Variants in ITPR2 observed in about 807,000 individuals in gnomAD.
ITPR2 encodes the protein inositol 1,4,5-trisphosphate-gated calcium channel ITPR2.
Under a neutral mutation model 317.1 loss-of-function variants are expected in ITPR2, and 207 were observed. That is an observed-to-expected ratio of 0.65 (90% CI 0.58 to 0.73). ITPR2 has a LOEUF of 0.73. ITPR2 is among the 30% of genes least tolerant of loss of function. The pLI, the probability that ITPR2 is intolerant of heterozygous loss-of-function variation, is 0.00. For missense variants in ITPR2, 2,613 were observed against 3,284.0 expected (o/e 0.80, Z 4.99); for synonymous variants, 1,156 against 1,149.1 (o/e 1.01, Z -0.12).
At chr12:26,681,558 A>G (rs1419220360) in intron 13 of ITPR2, among the ~76,000 whole-genome samples, 1 of 152,214 alleles carries the variant, frequency 6.6e-6, no homozygotes. Context: ...CTCTAAATCC[A>G]AATATCAAAT....
chr12:26,736,179 C>G (rs753332736), intron 2 of ITPR2, among the ~76,000 whole-genome samples: 3 of 152,134 alleles, frequency 2.0e-5, no homozygotes, highest in African/African-American at 4.8e-5. Context: ...AAAATACAAA[C>G]ACCTGAGAAG....
intron 13 of ITPR2, among the ~76,000 whole-genome samples, chr12:26,681,191 T>C (rs566317020): frequency 6.6e-6 from 1 of 152,318 alleles, no homozygotes; most frequent in East Asian, 1.9e-4. Context: ...CAGCTTTACC[T>C]TGTTTGCTTA....
At chr12:26,761,347 A>G (rs1949629571) in intron 2 of ITPR2, among the ~76,000 whole-genome samples, 1 of 152,242 alleles carries the variant, frequency 6.6e-6, no homozygotes, top group Non-Finnish European at 1.5e-5. Context: ...AATTCTTAAA[A>G]TGTGCAGACA....
In ITPR2 at chr12:26,833,092, A is replaced by C; in HGVS notation, c.-311T>G. 3.0e-6 allele frequency: 1 copy of C among 336,502 alleles called. No individual in the cohort carries two copies. Among genetic ancestry groups the C allele is most frequent in the Non-Finnish European group, 5.4e-6 (1 of 185,956 alleles). 20.8% of individuals were successfully genotyped at this position (336,502 alleles called of 1,614,324 possible). ...TCCTTTCTGAAGTTTTCTCTCCAACACCTTTGCTCCTCCTCCTCCTCCTTC... is the reference window on the plus strand; with the variant it reads ...TCCTTTCTGAAGTTTTCTCTCCAACCCCTTTGCTCCTCCTCCTCCTCCTTC... On this transcript the variant is annotated 5_prime_UTR_variant, in exon 1 of 57. Transcript: ENST00000381340.
rs796483067 is a variant in ITPR2, at chr12:26,337,760, T to C, written c.*1637A>G. 1.4e-4 allele frequency: 21 copies of C among 152,324 alleles called. No homozygotes were observed. Among genetic ancestry groups the C allele is most frequent in the African/African-American group, 4.8e-4 (20 of 41,578 alleles). The allele number at this position is 152,324 out of a possible 1,614,324, so 9.4% of individuals were successfully genotyped here. A position where few individuals can be genotyped will look rare whatever the true frequency, so the allele number is the denominator to read the frequency against. On this transcript the variant is annotated 3_prime_UTR_variant, in exon 57 of 57. Coordinates refer to ENST00000381340, the MANE Select transcript of ITPR2 (RefSeq NM_002223.4). ...ACTGTCATGTCAGAGTGAGGAATTC[T>C]TAGTATGAGGTGGTGCTGGGGAGTA...
chr12:26,439,301 T>A lies in ITPR2; in HGVS notation c.6469A>T (p.Thr2157Ser). ...AQIEIVRHDR[T>S]MEQIVFPVPN... ...ACAGGAAAAACTATTTGTTCCATGG[T>A]CCTATCATGCCGGACAATCTGAAAA... Residue 2157 changes from threonine to serine, a missense_variant, in exon 47 of 57, where the codon ACC (threonine) becomes TCC (serine). By Grantham distance (58) the Thr-to-Ser change is moderately conservative (BLOSUM62 1). This residue lies in a region of ITPR2 where 926 missense variants were observed against 1,072.8 expected (regional missense o/e 0.86). Transcript: ENST00000381340. 6.2e-7 allele frequency: 1 copy of A among 1,606,058 alleles called. No individual in the cohort carries two copies. Among genetic ancestry groups the A allele is most frequent in the Non-Finnish European group, 8.5e-7 (1 of 1,176,546 alleles).
rs1262748586 is a variant in ITPR2, at chr12:26,784,915, G to A, written c.163+5242C>T. Among the ~76,000 whole-genome samples the A allele has an allele frequency of 9.5e-4, 47 of 49,264 alleles. 1 individual carries two copies. Among genetic ancestry groups the A allele is most frequent in the African/African-American group, 2.8e-3 (43 of 15,466 alleles). The allele number at this position is 49,264 out of a possible 152,430, so 32.3% of individuals were successfully genotyped here. A position where few individuals can be genotyped will look rare whatever the true frequency, so the allele number is the denominator to read the frequency against. On this transcript the variant is annotated intron_variant, in intron 2 of 56. Coordinates refer to ENST00000381340, the MANE Select transcript of ITPR2 (RefSeq NM_002223.4). The stretch of plus-strand genomic sequence containing the variant: ...AAGCGAGGAGCACCTCTTCCCCGCC[G>A]CCATCCCATCTAGGAAGTGAGGAGC...
At chr12:26,572,109 A>T (rs1163352043) in intron 34 of ITPR2, among the ~76,000 whole-genome samples, 7 of 152,156 alleles carry the variant, frequency 4.6e-5, no homozygotes, top group African/African-American at 1.4e-4. Context: ...TAATATTAAA[A>T]ATTCTTGCAT....
chr12:26,556,567 TGTGTGTGTGTGTG>T (rs1944669196), intron 35 of ITPR2, among the ~76,000 whole-genome samples, 192 bp from the exon 36 acceptor site: 1 of 59,042 alleles, frequency 1.7e-5, no homozygotes, highest in Admixed American at 1.4e-4. Context: ...TTTTTTTTTT[TGTGTGTGTGTGTG>T]TGTGTGTGTG....
At chr12:26,510,532 A>G (rs754819362) in intron 37 of ITPR2, among the ~76,000 whole-genome samples, 1 of 152,238 alleles carries the variant, frequency 6.6e-6, no homozygotes, top group Non-Finnish European at 1.5e-5. Context: ...AGCTTTTTCC[A>G]TGTCCCCAAA....
chr12:26,628,245 T>A, intron 22 of ITPR2, 83 bp from the exon 23 acceptor site: 1 of 1,009,922 alleles, frequency 9.9e-7, no homozygotes, highest in Non-Finnish European at 1.4e-6. Context: ...CCAATAACAG[T>A]GGAAGTACCA....
intron 9 of ITPR2, among the ~76,000 whole-genome samples, chr12:26,699,924 T>A (rs1055457528): frequency 4.0e-5 from 6 of 151,294 alleles, no homozygotes; most frequent in African/African-American, 1.5e-4. Context: ...GTTAAAAAAA[T>A]AAATTATAAA....
intron 54 of ITPR2, among the ~76,000 whole-genome samples, chr12:26,394,729 T>C (rs147855664): frequency 2.0e-5 from 3 of 152,212 alleles, no homozygotes; most frequent in African/African-American, 7.2e-5. Flanking sequence ...GAAAAATTAG[T>C]CTGGCAACAC....
intron 1 of ITPR2, among the ~76,000 whole-genome samples, chr12:26,825,735 T>C (rs1950999943): frequency 3.3e-5 from 5 of 152,196 alleles, no homozygotes; most frequent in South Asian, 2.1e-4. Flanking sequence ...GTTTAAGAAA[T>C]AGTCACCCTT....
chr12:26,771,577 C>A (rs1333111094), intron 2 of ITPR2, among the ~76,000 whole-genome samples: 1 of 152,150 alleles, frequency 6.6e-6, no homozygotes, highest in South Asian at 2.1e-4. Flanking sequence ...TGCAGCGGTG[C>A]GATCTCGGCT....
chr12:26,783,021 A>T (rs1218658769), intron 2 of ITPR2, among the ~76,000 whole-genome samples: 1 of 152,226 alleles, frequency 6.6e-6, no homozygotes, highest in East Asian at 1.9e-4. Context: ...TGAGTGTGTA[A>T]CCTCCATGAG....
intron 2 of ITPR2, among the ~76,000 whole-genome samples, chr12:26,758,137 G>T (rs1225872517): frequency 1.3e-5 from 2 of 152,060 alleles, no homozygotes; most frequent in African/African-American, 4.8e-5. Context: ...CAGAGTCAGT[G>T]TCATCCCCAT....
intron 36 of ITPR2, among the ~76,000 whole-genome samples, chr12:26,553,370 CAT>C (rs1944577557): frequency 6.6e-6 from 1 of 152,224 alleles, no homozygotes; most frequent in South Asian, 2.1e-4. Flanking sequence ...CCTGCAGACT[CAT>C]CTGAGTCAAC....
chr12:26,657,085 G>C (rs551543747), intron 18 of ITPR2, among the ~76,000 whole-genome samples: 5 of 152,330 alleles, frequency 3.3e-5, no homozygotes, highest in African/African-American at 1.2e-4. Context: ...AGCGTCATCT[G>C]TCTTTGTCTG....
Sources: gnomAD v4.1 joint callset for allele counts (sites outside exome capture counted in the v4.1 genomes callset) on GRCh38, gnomAD v4.1.1 for gene constraint, gnomAD v4.1.1 regional missense constraint, MANE v1.5 for transcripts, NCBI Gene and HGNC (gene_info 2026-07-23, HGNC 2026-07-21) for gene names.